Variants in STAU2 observed in about 807,000 individuals in gnomAD.
The protein encoded by STAU2 is double-stranded RNA-binding protein Staufen homolog 2.
Under a neutral mutation model 65.9 loss-of-function variants are expected in STAU2, and 20 were observed. That is an observed-to-expected ratio of 0.30 (90% CI 0.21 to 0.44). The LOEUF is 0.44. STAU2 is among the 20% of genes least tolerant of loss of function. The pLI is 1.00. For missense variants in STAU2, 558 were observed against 683.9 expected (o/e 0.82, Z 2.05); for synonymous variants, 232 against 233.9 (o/e 0.99, Z 0.07).
rs34533172 is a variant in STAU2 at position 73,591,882 on chromosome 8, T to TAAAAAAAAAAAAAAAAAAAAAAAAAA, written c.1161+3258_1161+3283dup. ...ACCCATACAGCGTGTATCCCAGAGGTAAAAAAAAAAAAAAAAAAAAAAAAA... is the reference window on the plus strand; with the variant it reads ...ACCCATACAGCGTGTATCCCAGAGGTAAAAAAAAAAAAAAAAAAAAAAAAAAAAAAAAAAAAAAAAAAAAAAAAAAA... On this transcript the variant is annotated intron_variant, in intron 11 of 14. Coordinates refer to ENST00000524300, the MANE Select transcript of STAU2 (RefSeq NM_001164380.2). Among the ~76,000 whole-genome samples, 12 of 28,474 alleles carry TAAAAAAAAAAAAAAAAAAAAAAAAAA rather than the reference T, an allele frequency of 4.2e-4. 2 individuals are homozygous for TAAAAAAAAAAAAAAAAAAAAAAAAAA. Among genetic ancestry groups the TAAAAAAAAAAAAAAAAAAAAAAAAAA allele is most frequent in the East Asian group, 2.7e-3 (1 of 376 alleles). The allele number at this position is 28,474 out of a possible 152,430, so 18.7% of individuals were successfully genotyped here.
chr8:73,438,669 G>A (rs908816253), intron 13 of STAU2, among the ~76,000 whole-genome samples: 1 of 152,226 alleles, frequency 6.6e-6, no homozygotes, highest in Non-Finnish European at 1.5e-5. Context: ...GTCCAGCGAG[G>A]GCAAGCTAGA....
chr8:73,646,864 T>G (rs947481841), intron 6 of STAU2, among the ~76,000 whole-genome samples: 2 of 142,702 alleles, frequency 1.4e-5, no homozygotes, highest in African/African-American at 2.6e-5. Flanking sequence ...CTCTCAAAAC[T>G]CAACAGTAAA....
In STAU2 at chr8:73,637,477, T is replaced by TA. The variant is rs60833468; in HGVS notation, c.411-20027dup. The stretch of plus-strand genomic sequence containing the variant: ...TAAAGTCTTTATAAAGTGCTGAAAG[T>TA]AAAAAAAAAAAAAAAAAAAAAAAAA... On this transcript the variant is annotated intron_variant, in intron 6 of 14. Transcript: ENST00000524300. Among the ~76,000 whole-genome samples, 452 of 57,094 alleles carry TA rather than the reference T, an allele frequency of 7.9e-3. 35 individuals carry two copies. Among genetic ancestry groups the TA allele is most frequent in the Non-Finnish European group, 0.01 (349 of 33,728 alleles). 37.5% of individuals were successfully genotyped at this position (57,094 alleles called of 152,430 possible).
chr8:73,606,851 C>T (rs1812061752), intron 9 of STAU2, among the ~76,000 whole-genome samples: 1 of 152,028 alleles, frequency 6.6e-6, no homozygotes, highest in Non-Finnish European at 1.5e-5. Flanking sequence ...AATGGATAAA[C>T]AAGTGGTGGT....
chr8:73,571,560 G>C (rs1345328954), intron 12 of STAU2, among the ~76,000 whole-genome samples: 1 of 152,186 alleles, frequency 6.6e-6, no homozygotes, highest in Middle Eastern at 3.2e-3. Context: ...TCAGACCACA[G>C]TGCAATCAAA....
At chr8:73,632,566 C>A (rs1814180124) in intron 6 of STAU2, among the ~76,000 whole-genome samples, 1 of 152,198 alleles carries the variant, frequency 6.6e-6, no homozygotes, top group Non-Finnish European at 1.5e-5. Context: ...GAGGATGACA[C>A]TTCTTATGAG....
intron 11 of STAU2, among the ~76,000 whole-genome samples, chr8:73,586,120 AG>A (rs781241072): frequency 2.7e-3 from 413 of 152,346 alleles, no homozygotes; most frequent in Non-Finnish European, 4.5e-3. Flanking sequence ...CAACAGCAGG[AG>A]GTAAGTCAAA....
intron 12 of STAU2, among the ~76,000 whole-genome samples, chr8:73,567,160 C>T (rs1357800648): frequency 1.3e-5 from 2 of 152,058 alleles, no homozygotes; most frequent in African/African-American, 4.8e-5. Context: ...TGCATTTGCT[C>T]AAATACTGAG....
intron 12 of STAU2, among the ~76,000 whole-genome samples, chr8:73,568,509 A>C (rs1808789694): frequency 6.6e-6 from 1 of 152,150 alleles, no homozygotes; most frequent in Admixed American, 6.5e-5. Flanking sequence ...AGGCTGAGGC[A>C]AGAGGATCCC....
At chr8:73,620,122 A>T (rs1813120247) in intron 6 of STAU2, among the ~76,000 whole-genome samples, 2 of 152,188 alleles carry the variant, frequency 1.3e-5, no homozygotes, top group South Asian at 4.1e-4. Context: ...CTTAATGCAG[A>T]AATCTGACAG....
intron 12 of STAU2, among the ~76,000 whole-genome samples, chr8:73,570,587 G>A (rs1164125226): frequency 1.3e-5 from 2 of 152,186 alleles, no homozygotes; most frequent in Non-Finnish European, 2.9e-5. Context: ...TCAAATTCAG[G>A]AAATACAGAG....
rs76138923 is a variant in STAU2, at chr8:73,593,854, T to C, written c.1161+1312A>G. On this transcript the variant is annotated intron_variant, in intron 11 of 14. Coordinates refer to ENST00000524300, the MANE Select transcript of STAU2 (RefSeq NM_001164380.2). ...ACAATCACATGGGCCAATTCCTTAA[T>C]ATATATACACAGACAGACACACACA... Among the ~76,000 whole-genome samples the C allele has an allele frequency of 1.7e-3, 215 of 124,014 alleles. 1 individual carries two copies. Among genetic ancestry groups the C allele is most frequent in the African/African-American group, 6.4e-3 (204 of 31,896 alleles). The allele number at this position is 124,014 out of a possible 152,430, so 81.4% of individuals were successfully genotyped here.
chr8:73,581,660 T>C (rs559651055), intron 12 of STAU2, among the ~76,000 whole-genome samples: 27 of 152,188 alleles, frequency 1.8e-4, no homozygotes, highest in Non-Finnish European at 2.9e-4. Context: ...TTGGGCTATG[T>C]GCTAAGGCCA....
At position 73,595,273 on chromosome 8, in the gene STAU2, T is replaced by C. The variant is rs774487972; in HGVS notation, c.1054A>G (p.Thr352Ala). 14 of 1,608,522 alleles carry C rather than the reference T, an allele frequency of 8.7e-6. No individual in the cohort carries two copies. The highest frequency in any genetic ancestry group is 5.3e-5 in the African/African-American group (4 of 74,880). The change falls in exon 11 of 15, where the codon ACA becomes GCA. Residue 352 changes from threonine to alanine, a missense_variant. Thr to Ala is a moderately conservative substitution (Grantham distance 58, BLOSUM62 0). Transcript: ENST00000524300. ...ATCTTTTTATTAGGTCCTGTTCCTG[T>C]AGCAACTTCATTGCCTACCTTCACC... ...MQVKVGNEVA[T>A]GTGPNKKIAK...
At chr8:73,480,820 G>C (rs2128910184) in intron 13 of STAU2, among the ~76,000 whole-genome samples, 1 of 152,196 alleles carries the variant, frequency 6.6e-6, no homozygotes, top group African/African-American at 2.4e-5. Context: ...AGAAAATGAA[G>C]CAGTTACTTC....
intron 4 of STAU2, among the ~76,000 whole-genome samples, chr8:73,697,044 GTTGTT>G (rs59831190): frequency 1.6e-3 from 247 of 151,302 alleles, no homozygotes; most frequent in African/African-American, 4.2e-3. Context: ...GCAGACTTTT[GTTGTT>G]TTGTTTTGTT....
chr8:73,527,128 TG>T (rs2128931210), intron 13 of STAU2, among the ~76,000 whole-genome samples: 1 of 152,364 alleles, frequency 6.6e-6, no homozygotes, highest in South Asian at 2.1e-4. Context: ...CAAAGTAACA[TG>T]CTGTACACGT....
intron 3 of STAU2, among the ~76,000 whole-genome samples, chr8:73,713,271 G>C (rs1467731523): frequency 2.0e-5 from 3 of 152,062 alleles, no homozygotes; most frequent in African/African-American, 7.2e-5. Flanking sequence ...CTGGACTCTG[G>C]AATTTGAATC....
chr8:73,746,687 T>A, intron 1 of STAU2, 96 bp downstream of exon 1: 1 of 730,860 alleles, frequency 1.4e-6, no homozygotes, highest in Non-Finnish European at 1.9e-6. Flanking sequence ...GGGTTCCCCG[T>A]GCTGCGGAAC....
Sources: gnomAD v4.1 joint callset for allele counts (sites outside exome capture counted in the v4.1 genomes callset) on GRCh38, gnomAD v4.1.1 for gene constraint, MANE v1.5 for transcripts, NCBI Gene and HGNC (gene_info 2026-07-23, HGNC 2026-07-21) for gene names.